The following CNBD1 variants were observed in gnomAD, a reference collection of about 807,000 sequenced individuals.
CNBD1 encodes cyclic nucleotide-binding domain-containing protein 1.
Under a neutral mutation model 54.4 loss-of-function variants are expected in CNBD1, and 71 were observed. The observed-to-expected ratio is 1.30, with a 90% CI of 1.08 to 1.59. CNBD1 has a LOEUF of 1.59. Ranked by LOEUF, CNBD1 falls within the 40% of genes most tolerant of loss-of-function variation. The probability of loss-of-function intolerance (pLI) is 0.00; values close to 1 mark genes in which losing one functional copy is unlikely to be tolerated. For synonymous variants in CNBD1, 182 were observed against 170.7 expected (o/e 1.07, Z -0.51); for missense variants, 659 against 518.0 (o/e 1.27, Z -2.64).
chr8:87,302,191 A>C (rs569400326), intron 8 of CNBD1, among the ~76,000 whole-genome samples: 44 of 152,332 alleles, frequency 2.9e-4, no homozygotes, highest in African/African-American at 1.0e-3. Context: ...ACAAAAAAAG[A>C]GAATTTTAGA....
At chr8:87,055,898 C>G (rs562498009) in intron 4 of CNBD1, among the ~76,000 whole-genome samples, 13 of 112,874 alleles carry the variant, frequency 1.2e-4, no homozygotes, top group Non-Finnish European at 5.6e-5. Flanking sequence ...TTCCTTCCTT[C>G]CTTCCTTCCT....
At chr8:87,178,385 GAT>G (rs2130775151) in intron 4 of CNBD1, among the ~76,000 whole-genome samples, 1 of 152,314 alleles carries the variant, frequency 6.6e-6, no homozygotes, top group Admixed American at 6.5e-5. Context: ...ATGCAATGCA[GAT>G]ATCTGGAGAA....
intron 4 of CNBD1, among the ~76,000 whole-genome samples, chr8:87,067,316 T>C (rs1810674634): frequency 6.6e-6 from 1 of 151,984 alleles, no homozygotes; most frequent in Non-Finnish European, 1.5e-5. Context: ...TTCTCATGCC[T>C]TAAAAATGCA....
intron 4 of CNBD1, among the ~76,000 whole-genome samples, chr8:86,967,429 G>T (rs11785525): frequency 6.6e-6 from 1 of 152,130 alleles, no homozygotes; most frequent in African/African-American, 2.4e-5. Flanking sequence ...GGTGCAACCC[G>T]GGAGCTCTGG....
intron 4 of CNBD1, among the ~76,000 whole-genome samples, chr8:87,021,903 T>C (rs1809495442): frequency 6.6e-6 from 1 of 152,232 alleles, no homozygotes; most frequent in African/African-American, 2.4e-5. Flanking sequence ...TGAATGTAGA[T>C]CTATGTGAGA....
intron 4 of CNBD1, among the ~76,000 whole-genome samples, chr8:87,054,732 T>C (rs1300384191): frequency 6.6e-6 from 1 of 152,140 alleles, no homozygotes; most frequent in Non-Finnish European, 1.5e-5. Context: ...TACACCGAAG[T>C]GTAGCCTTGG....
intron 2 of CNBD1, among the ~76,000 whole-genome samples, chr8:87,403,832 G>C (rs1184184145): frequency 6.6e-6 from 1 of 151,754 alleles, no homozygotes. Flanking sequence ...CAATTCTTTT[G>C]GATCCCTGGA....
chr8:86,909,291 C>T (rs1283154972), intron 3 of CNBD1, among the ~76,000 whole-genome samples: 1 of 152,014 alleles, frequency 6.6e-6, no homozygotes. Flanking sequence ...ATAGGGAGCC[C>T]TTTTGCTTTC....
chr8:87,351,563 C>T, intron 8 of CNBD1, 122 bp from the exon 9 acceptor site: 1 of 905,120 alleles, frequency 1.1e-6, no homozygotes, highest in Non-Finnish European at 1.5e-6. Context: ...AAACTGGAAT[C>T]TATTAAGAAA....
intron 4 of CNBD1, among the ~76,000 whole-genome samples, chr8:87,199,840 A>T (rs980463245): frequency 6.6e-6 from 1 of 152,124 alleles, no homozygotes; most frequent in African/African-American, 2.4e-5. Context: ...GTATTGTTTT[A>T]TTTTTAAAAA....
chr8:87,332,668 G>T (rs897789229), intron 8 of CNBD1, among the ~76,000 whole-genome samples: 1 of 152,084 alleles, frequency 6.6e-6, no homozygotes, highest in African/African-American at 2.4e-5. Flanking sequence ...TATTAGGTTT[G>T]TCGAATATCA....
At chr8:87,308,365 T>G (rs1374104555) in intron 8 of CNBD1, among the ~76,000 whole-genome samples, 3 of 152,198 alleles carry the variant, frequency 2.0e-5, no homozygotes, top group African/African-American at 7.2e-5. Context: ...TCATAATCTT[T>G]AAAATATTCC....
chr8:87,323,695 AT>A (rs1270522667), intron 8 of CNBD1, among the ~76,000 whole-genome samples: 1 of 135,546 alleles, frequency 7.4e-6, no homozygotes, highest in Non-Finnish European at 1.6e-5. Flanking sequence ...GCTTAAGGAG[AT>A]TTTGGACTGA....
intron 4 of CNBD1, among the ~76,000 whole-genome samples, chr8:87,084,989 T>G (rs541898971): frequency 6.6e-6 from 1 of 152,344 alleles, no homozygotes; most frequent in South Asian, 2.1e-4. Context: ...TAGTTTTCTT[T>G]TTAAACAATA....
intron 4 of CNBD1, among the ~76,000 whole-genome samples, chr8:87,076,840 A>G (rs1810883708): frequency 6.6e-6 from 1 of 152,208 alleles, no homozygotes; most frequent in Non-Finnish European, 1.5e-5. Flanking sequence ...TTTATTTGAG[A>G]AATTCAAAGG....
intron 3 of CNBD1, among the ~76,000 whole-genome samples, chr8:86,923,643 C>G (rs562100769): frequency 2.1e-4 from 32 of 152,254 alleles, no homozygotes; most frequent in Non-Finnish European, 3.5e-4. Flanking sequence ...GCCTCCAGAC[C>G]CCATTCTCCT....
intron 4 of CNBD1, among the ~76,000 whole-genome samples, chr8:87,203,950 T>C (rs1813915361): frequency 6.6e-6 from 1 of 152,196 alleles, no homozygotes; most frequent in Non-Finnish European, 1.5e-5. Flanking sequence ...TCCTCCACCC[T>C]AACAGTACTG....
intron 10 of CNBD1, among the ~76,000 whole-genome samples, chr8:87,374,342 A>T (rs1480052158): frequency 6.6e-6 from 1 of 151,898 alleles, no homozygotes; most frequent in East Asian, 1.9e-4. Context: ...GTAATAAAAT[A>T]AAATGTGTTT....
At chr8:86,989,303 A>AC (rs1248915332) in intron 4 of CNBD1, among the ~76,000 whole-genome samples, 1,908 of 127,910 alleles carry the variant, frequency 0.015, 46 homozygotes, top group African/African-American at 0.056. Flanking sequence ...CAAAACAAAT[A>AC]AATACATACA....
Sources: gnomAD v4.1 joint callset for allele counts (sites outside exome capture counted in the v4.1 genomes callset) on GRCh38, gnomAD v4.1.1 for gene constraint, MANE v1.5 for transcripts, NCBI Gene and HGNC (gene_info 2026-07-23, HGNC 2026-07-21) for gene names.